Variants in UTRN observed in about 807,000 individuals in gnomAD.
UTRN encodes the protein utrophin, also known as dystrophin-related protein 1.
In UTRN, 283 loss-of-function variants were observed where a neutral mutation model predicts 463.9. That is an observed-to-expected ratio of 0.61 (90% CI 0.55 to 0.67). The LOEUF (loss-of-function observed/expected upper bound fraction) is 0.67, where lower values mean the gene tolerates loss of function less well. UTRN is among the 30% of genes least tolerant of loss of function. The pLI, the probability that UTRN is intolerant of heterozygous loss-of-function variation, is 0.00. For synonymous variants in UTRN, 1,442 were observed against 1,431.5 expected, an observed-to-expected ratio of 1.01 and a Z score of -0.17; for missense variants, 3,922 against 4,084.3, an observed-to-expected ratio of 0.96 and a Z score of 1.08.
intron 2 of UTRN, among the ~76,000 whole-genome samples, chr6:144,347,690 G>A (rs1403465322): frequency 6.6e-6 from 1 of 152,138 alleles, no homozygotes; most frequent in East Asian, 1.9e-4. Context: ...CAAGGCTCCA[G>A]GGCAGTGGTG....
At chr6:144,412,586 G>C (rs922019793) in intron 3 of UTRN, among the ~76,000 whole-genome samples, 3 of 148,256 alleles carry the variant, frequency 2.0e-5, no homozygotes, top group African/African-American at 7.3e-5. Flanking sequence ...GATGAGGAGG[G>C]AGAGAGAGAG....
intron 2 of UTRN, among the ~76,000 whole-genome samples, chr6:144,347,754 G>T (rs1460133562): frequency 6.6e-6 from 1 of 151,884 alleles, no homozygotes; most frequent in African/African-American, 2.4e-5. Flanking sequence ...TTCATCAGGG[G>T]CTGAGTGTGT....
At chr6:144,441,717 C>A (rs1452008166) in intron 13 of UTRN, among the ~76,000 whole-genome samples, 1 of 152,222 alleles carries the variant, frequency 6.6e-6, no homozygotes, top group Non-Finnish European at 1.5e-5. Context: ...TCTGCACTGC[C>A]CTAGCAGAGG....
At chr6:144,389,609 C>T (rs6939205) in intron 2 of UTRN, among the ~76,000 whole-genome samples, 104,771 of 146,610 alleles carry the variant, frequency 0.71, 37,359 homozygotes, top group African/African-American at 0.81. Flanking sequence ...TTTTTTTTTT[C>T]CCCCCCTGAG....
At position 144,381,571 on chromosome 6, in the gene UTRN, G is replaced by A. The variant is rs181003306; in HGVS notation, c.80-21552G>A. On this transcript the variant is annotated intron_variant, in intron 2 of 74. Transcript: ENST00000367545. ...CATCTTGAATTCCCAGGTATTATGG[G>A]AGGGACCCAGTGGGAGTAATTGAAT... Among the ~76,000 whole-genome samples, 15 of 152,306 alleles carry A rather than the reference G, an allele frequency of 9.8e-5. No homozygotes were observed. In the East Asian group the frequency reaches 2.7e-3, roughly 27 times the overall value.
chr6:144,484,990 C>G (rs1421276863), intron 27 of UTRN, among the ~76,000 whole-genome samples: 1 of 152,058 alleles, frequency 6.6e-6, no homozygotes, highest in Non-Finnish European at 1.5e-5. Flanking sequence ...TCTCAGCTCA[C>G]CGCAACCTCC....
At chr6:144,604,892 G>A (rs1362518109) in intron 51 of UTRN, among the ~76,000 whole-genome samples, 1 of 152,022 alleles carries the variant, frequency 6.6e-6, no homozygotes, top group Non-Finnish European at 1.5e-5. Flanking sequence ...TCCAGCCTGG[G>A]TGACAAGAGC....
At chr6:144,509,958 A>ATAT (rs1353537371) in intron 34 of UTRN, among the ~76,000 whole-genome samples, 3 of 151,976 alleles carry the variant, frequency 2.0e-5, no homozygotes, top group Non-Finnish European at 2.9e-5. Context: ...GGTATCCTTT[A>ATAT]TTTTCTCCCC....
At chr6:144,735,725 TA>T (rs781384024) in intron 54 of UTRN, among the ~76,000 whole-genome samples, 70 of 152,144 alleles carry the variant, frequency 4.6e-4, no homozygotes, top group Non-Finnish European at 7.5e-4. Flanking sequence ...TACAAAGTGT[TA>T]CATCACTAAA....
At position 144,389,756 on chromosome 6, in the gene UTRN, G is replaced by A. The variant is rs372838227; in HGVS notation, c.80-13367G>A. ...TGGGATTGCAGGCGTCTGCCACCAC[G>A]CACAGCTAATTTTTGTATTTTTGCT... On this transcript the variant is annotated intron_variant, in intron 2 of 74. Coordinates refer to ENST00000367545, the MANE Select transcript of UTRN (RefSeq NM_007124.3). Among the ~76,000 whole-genome samples the A allele has an allele frequency of 3.2e-3, 487 of 152,154 alleles. 1 individual carries two copies. Among genetic ancestry groups the A allele is most frequent in the Middle Eastern group, 0.014 (4 of 292 alleles).
At chr6:144,718,938 G>T (rs1414683140) in intron 53 of UTRN, among the ~76,000 whole-genome samples, 1 of 152,180 alleles carries the variant, frequency 6.6e-6, no homozygotes, top group Non-Finnish European at 1.5e-5. Flanking sequence ...GTCAAAAGGG[G>T]TGAGCCCTGT....
At chr6:144,378,911 C>A (rs1780685216) in intron 2 of UTRN, among the ~76,000 whole-genome samples, 1 of 152,130 alleles carries the variant, frequency 6.6e-6, no homozygotes. Context: ...GAATTAGAAC[C>A]AACAAAAGTT....
At chr6:144,513,083 A>C (rs1437560070) in intron 35 of UTRN, among the ~76,000 whole-genome samples, 2 of 152,134 alleles carry the variant, frequency 1.3e-5, no homozygotes, top group East Asian at 3.8e-4. Flanking sequence ...CTGTTCTGTC[A>C]AGCACATTTC....
intron 53 of UTRN, among the ~76,000 whole-genome samples, chr6:144,713,275 T>C (rs1289502857): frequency 2.0e-5 from 3 of 152,130 alleles, no homozygotes; most frequent in African/African-American, 7.2e-5. Context: ...ATATATTAGC[T>C]GGATGAAGGA....
At chr6:144,757,810 T>C (rs1280936005) in intron 57 of UTRN, 119 bp from the exon 58 acceptor site, 8 of 825,860 alleles carry the variant, frequency 9.7e-6, no homozygotes, top group Non-Finnish European at 1.5e-5. Flanking sequence ...ATTATAGGAA[T>C]CCAGCTCAGA....
intron 2 of UTRN, among the ~76,000 whole-genome samples, chr6:144,305,778 T>A (rs1805679250): frequency 6.6e-6 from 1 of 151,924 alleles, no homozygotes; most frequent in Non-Finnish European, 1.5e-5. Context: ...GGGAAGGAGG[T>A]GAGGTGAAAA....
rs1797803516 is a variant in UTRN at position 144,539,353 on chromosome 6, A to T, written c.6429A>T (p.Glu2143Asp). The T allele has an allele frequency of 1.2e-6, 2 of 1,613,580 alleles. No individual in the cohort carries two copies. The highest frequency in any genetic ancestry group is 1.1e-5 in the South Asian group (1 of 91,032). The change falls in exon 45 of 75, where the codon GAA (glutamate) becomes GAT (aspartate). Residue 2143 changes from glutamate to aspartate, a missense_variant. Transcript: ENST00000367545. ...AEKLKWLNRT[E>D]LEMLSDKSLS... ...AACTCAAATGGCTGAATAGAACTGA[A>T]TTGGAGATGCTTTCAGATAAAAGTC... is the stretch of plus-strand genomic sequence containing the variant.
At position 144,690,132 on chromosome 6, in the gene UTRN, A is replaced by G. The variant is rs530197861; in HGVS notation, c.7653-9955A>G. Among the ~76,000 whole-genome samples the G allele has an allele frequency of 9.5e-4, 72 of 75,470 alleles. 1 individual carries two copies. The highest frequency in any genetic ancestry group is 4.1e-3 in the African/African-American group (70 of 16,886). 49.5% of individuals were successfully genotyped at this position (75,470 alleles called of 152,430 possible). A position where few individuals can be genotyped will look rare whatever the true frequency, so the allele number is the denominator to read the frequency against. The stretch of plus-strand genomic sequence containing the variant: ...GTGTGTGTGTGTGTGTGTGTGTGTT[A>G]AGCTACCAGGAGGAGTGAAGGGGCA... On this transcript the variant is annotated intron_variant, in intron 52 of 74. Coordinates refer to ENST00000367545, the MANE Select transcript of UTRN (RefSeq NM_007124.3).
At chr6:144,819,597 G>A (rs557338590) in intron 65 of UTRN, among the ~76,000 whole-genome samples, 75 of 152,210 alleles carry the variant, frequency 4.9e-4, no homozygotes, top group Middle Eastern at 3.4e-3. Context: ...GGAGGCTGAG[G>A]CACGAGAATC....
Sources: gnomAD v4.1 joint callset for allele counts (sites outside exome capture counted in the v4.1 genomes callset) on GRCh38, gnomAD v4.1.1 for gene constraint, MANE v1.5 for transcripts, NCBI Gene and HGNC (gene_info 2026-07-23, HGNC 2026-07-21) for gene names.